Variants in ZNF609 observed in about 807,000 individuals in gnomAD.
ZNF609 encodes the protein zinc finger protein 609.
A neutral mutation model predicts 109.5 loss-of-function variants in ZNF609; 11 were observed. The observed-to-expected ratio is 0.10, with a 90% CI of 0.06 to 0.17. ZNF609 has a LOEUF of 0.17. Among genes scored for constraint, ZNF609 ranks in the 10% least tolerant of loss-of-function variants. The pLI is 1.00. For missense variants in ZNF609, 1,559 were observed against 1,772.4 expected (o/e 0.88, Z 2.16); for synonymous variants, 646 against 662.0 (o/e 0.98, Z 0.37).
intron 1 of ZNF609, among the ~76,000 whole-genome samples, chr15:64,483,106 TC>T (rs1300159751): frequency 6.6e-6 from 1 of 151,974 alleles, no homozygotes; most frequent in African/African-American, 2.4e-5. Flanking sequence ...TTTTTTTTTT[TC>T]CCCCTGAGAT....
At chr15:64,535,002 T>C (rs965358678) in intron 2 of ZNF609, among the ~76,000 whole-genome samples, 3 of 151,644 alleles carry the variant, frequency 2.0e-5, no homozygotes, top group African/African-American at 7.3e-5. Context: ...CATTGTACTC[T>C]GCACTTCAGC....
chr15:64,674,657 T>A lies in ZNF609; in HGVS notation c.1803T>A (p.Leu601=). ...KKLSGEGDTD[L]GALSNDGSDD... ...TGAGTGGGGAAGGGGACACAGACCT[T>A]GGGGCCTTATCCAATGATGGCTCTG... Residue 601 remains leucine, a synonymous_variant, in exon 5 of 10, where the codon CTT becomes CTA. Coordinates refer to ENST00000326648, the MANE Select transcript of ZNF609 (RefSeq NM_015042.2). 1 of 1,614,104 alleles carries A rather than the reference T, an allele frequency of 6.2e-7. No individual in the cohort carries two copies. Among genetic ancestry groups the A allele is most frequent in the Non-Finnish European group, 8.5e-7 (1 of 1,180,036 alleles).
At chr15:64,501,525 G>C (rs1893562594) in intron 2 of ZNF609, 1 of 152,148 alleles carries the variant, frequency 6.6e-6, no homozygotes, top group South Asian at 2.1e-4. Flanking sequence ...TCAGGTTCCA[G>C]CTGGTTACTA....
intron 2 of ZNF609, among the ~76,000 whole-genome samples, chr15:64,594,255 C>T (rs887628833): frequency 1.3e-5 from 2 of 152,062 alleles, no homozygotes; most frequent in African/African-American, 2.4e-5. Context: ...ACTACATATG[C>T]ACTATGTTTT....
intron 2 of ZNF609, among the ~76,000 whole-genome samples, chr15:64,551,935 G>A (rs150417324): frequency 0.026 from 3,857 of 145,888 alleles, 227 homozygotes; most frequent in South Asian, 0.062. Flanking sequence ...GCAGTGAGCC[G>A]AGGTCGCACC....
intron 2 of ZNF609, among the ~76,000 whole-genome samples, chr15:64,512,831 T>C (rs548248207): frequency 6.6e-6 from 1 of 151,884 alleles, no homozygotes; most frequent in Non-Finnish European, 1.5e-5. Context: ...CATACTTTTT[T>C]AAAAAAAACT....
chr15:64,516,260 C>T lies in ZNF609; in HGVS notation c.747+16094C>T, dbSNP rs140625756. On this transcript the variant is annotated intron_variant, in intron 2 of 9. Coordinates refer to ENST00000326648, the MANE Select transcript of ZNF609 (RefSeq NM_015042.2). ...ATCCTACTTTAATCTCTTCCATTCC[C>T]CTGCCCCCCTGGAGTATATTTTTTA... 1.9e-3 allele frequency among the ~76,000 whole-genome samples: 291 copies of T among 152,254 alleles called. 3 individuals carry two copies. Among genetic ancestry groups the T allele is most frequent in the African/African-American group, 6.7e-3 (280 of 41,534 alleles).
chr15:64,676,121 C>G lies in ZNF609; in HGVS notation c.3267C>G (p.Leu1089=), dbSNP rs752237429. The G allele has an allele frequency of 3.1e-6, 5 of 1,614,200 alleles. No homozygotes were observed. Among genetic ancestry groups the G allele is most frequent in the African/African-American group, 1.3e-5 (1 of 75,060 alleles). ...CCAAGTTAGATGACTCTTCAAAACT[C>G]CCGGGCCAGGCCCCTGAAGGCCTTA... The part of the protein sequence containing the change: ...IIPKLDDSSK[L]PGQAPEGLKV... Residue 1089 remains leucine, a synonymous_variant, in exon 5 of 10, where the codon CTC becomes CTG. Coordinates refer to ENST00000326648, the MANE Select transcript of ZNF609 (RefSeq NM_015042.2).
chr15:64,655,662 A>T (rs1896478874), intron 3 of ZNF609, among the ~76,000 whole-genome samples: 1 of 151,394 alleles, frequency 6.6e-6, no homozygotes. Flanking sequence ...CCTCATCTCT[A>T]CTAAAAATAC....
At chr15:64,532,969 T>G (rs1379486297) in intron 2 of ZNF609, among the ~76,000 whole-genome samples, 2 of 152,174 alleles carry the variant, frequency 1.3e-5, no homozygotes, top group East Asian at 3.8e-4. Context: ...CTATTTGAGC[T>G]TTCTCTATTT....
chr15:64,543,826 C>T (rs1894311967), intron 2 of ZNF609, among the ~76,000 whole-genome samples: 1 of 152,178 alleles, frequency 6.6e-6, no homozygotes, highest in Non-Finnish European at 1.5e-5. Flanking sequence ...TTTCCCAGAA[C>T]CTCATATATG....
chr15:64,608,090 G>T (rs564337248), intron 2 of ZNF609, among the ~76,000 whole-genome samples: 1 of 149,718 alleles, frequency 6.7e-6, no homozygotes, highest in Non-Finnish European at 1.5e-5. Flanking sequence ...GAAGAGATGG[G>T]TTCACCATGT....
Position 64,674,839 on chromosome 15 carries a change from C to T in ZNF609, c.1985C>T (p.Ala662Val). The stretch of plus-strand genomic sequence containing the variant: ...AAGTCAGCCCGTCCCATTGCCCCTG[C>T]CATCCCCCCACAGCAAATCTACACC... ...SLKSARPIAPAIPPQQIYTFQ... is the reference protein window; with the variant it reads ...SLKSARPIAPVIPPQQIYTFQ... Residue 662 changes from alanine (A) to valine (V), a missense_variant, in exon 5 of 10, where the codon GCC (alanine) becomes GTC (valine). Transcript: ENST00000326648. 3 of 1,613,618 alleles carry T rather than the reference C, an allele frequency of 1.9e-6. No homozygotes were observed. Among genetic ancestry groups the T allele is most frequent in the Non-Finnish European group, 2.5e-6 (3 of 1,179,894 alleles).
chr15:64,466,719 T>C (rs1365856972), intron 1 of ZNF609, among the ~76,000 whole-genome samples: 1 of 152,176 alleles, frequency 6.6e-6, no homozygotes, highest in Non-Finnish European at 1.5e-5. Context: ...GCTATGGCAG[T>C]TTTTTATGTT....
At chr15:64,475,913 TA>T (rs1163534114) in intron 1 of ZNF609, among the ~76,000 whole-genome samples, 5 of 152,226 alleles carry the variant, frequency 3.3e-5, no homozygotes, top group Non-Finnish European at 5.9e-5. Context: ...AAAAGTAACG[TA>T]ACTTCCATTC....
intron 2 of ZNF609, among the ~76,000 whole-genome samples, chr15:64,541,199 C>T (rs1288971847): frequency 3.4e-5 from 5 of 147,972 alleles, no homozygotes; most frequent in Admixed American, 2.7e-4. Flanking sequence ...AGGCTGAGGC[C>T]GGCGGATCAC....
At chr15:64,465,372 TTG>T (rs1893000345) in intron 1 of ZNF609, among the ~76,000 whole-genome samples, 2 of 151,456 alleles carry the variant, frequency 1.3e-5, no homozygotes, top group Non-Finnish European at 3.0e-5. Context: ...GGTTGTTTAT[TTG>T]TTTGTTTGTT....
At position 64,653,639 on chromosome 15, in the gene ZNF609, C is replaced by T. The variant is rs1290997298; in HGVS notation, c.974-16707C>T. 3.3e-5 allele frequency among the ~76,000 whole-genome samples: 5 copies of T among 152,044 alleles called. No individual in the cohort carries two copies. The East Asian group carries it at 7.8e-4, about 24-fold the overall frequency. Reference sequence around the variant, plus strand: ...CCACCCTGGACGACAGAGCTAGACTCCGTCTCCAAAAAAAATAAATAAATA... The same window carrying T: ...CCACCCTGGACGACAGAGCTAGACTTCGTCTCCAAAAAAAATAAATAAATA... On this transcript the variant is annotated intron_variant, in intron 3 of 9. Coordinates refer to ENST00000326648, the MANE Select transcript of ZNF609 (RefSeq NM_015042.2).
chr15:64,550,436 C>A (rs769583548), intron 2 of ZNF609, among the ~76,000 whole-genome samples: 1 of 151,842 alleles, frequency 6.6e-6, no homozygotes, highest in Non-Finnish European at 1.5e-5. Flanking sequence ...GCTCATGCCT[C>A]TAATCCCAGC....
Sources: allele counts gnomAD v4.1 joint callset (sites outside exome capture counted in the v4.1 genomes callset), GRCh38; gene constraint gnomAD v4.1.1; transcripts MANE v1.5; gene names NCBI Gene and HGNC (gene_info 2026-07-23, HGNC 2026-07-21).